Variants in PRPF6 observed in about 807,000 individuals in gnomAD.
PRPF6 encodes the protein pre-mRNA processing factor 6, also known as pre-mRNA-processing factor 6.
In PRPF6, 42 loss-of-function variants were observed where a neutral mutation model predicts 118.3. That is an observed-to-expected ratio of 0.35 (90% CI 0.28 to 0.46). The LOEUF is 0.46. PRPF6 is among the 20% of genes least tolerant of loss of function. The pLI is 1.00. For missense variants in PRPF6, 662 were observed against 1,255.7 expected (o/e 0.53, Z 7.15); for synonymous variants, 481 against 485.1 (o/e 0.99, Z 0.11).
chr20:64,004,597 A>T (rs1309073210), intron 9 of PRPF6, among the ~76,000 whole-genome samples: 1 of 152,018 alleles, frequency 6.6e-6, no homozygotes, highest in Non-Finnish European at 1.5e-5. Flanking sequence ...TTGTTGGGAG[A>T]ATGGGCGTTT....
chr20:63,983,494 G>A (rs1204935600), intron 2 of PRPF6, among the ~76,000 whole-genome samples: 4 of 145,058 alleles, frequency 2.8e-5, no homozygotes, highest in East Asian at 2.0e-4. Context: ...ACGGAATTTC[G>A]CTCTTGTCGG....
Position 64,011,409 on chromosome 20 carries a change from A to G in PRPF6, c.1430A>G (p.Asn477Ser), listed in dbSNP as rs1433048453. The G allele has an allele frequency of 9.9e-6, 16 of 1,614,130 alleles. No individual in the cohort carries two copies. The highest frequency in any genetic ancestry group is 6.7e-5 in the East Asian group (3 of 44,902). ...WITAAKLEEANGNTQMVEKII... is the reference protein window; with the variant it reads ...WITAAKLEEASGNTQMVEKII... ...ACGGCTGCTAAGCTGGAGGAAGCCAATGGGAACACGCAGATGGTGGAGAAG... is the reference window on the plus strand; with the variant it reads ...ACGGCTGCTAAGCTGGAGGAAGCCAGTGGGAACACGCAGATGGTGGAGAAG... The change falls in exon 11 of 21, where the codon AAT becomes AGT. Residue 477 changes from asparagine to serine, a missense_variant. Asn to Ser is a conservative substitution (Grantham distance 46). Coordinates refer to ENST00000266079, the MANE Select transcript of PRPF6 (RefSeq NM_012469.4). This position sits in a 1 kb window ranked among gnomAD's most constrained non-coding sequence, Gnocchi z 6.7.
chr20:64,002,019 T>TTG (rs1309452145), intron 9 of PRPF6, among the ~76,000 whole-genome samples: 59 of 121,306 alleles, frequency 4.9e-4, no homozygotes, highest in African/African-American at 1.7e-3. Flanking sequence ...TTCTGGTTTT[T>TTG]TTTTTTTTTT....
chr20:64,021,543 CGTGTCTGTGTGTGT>C (rs946114813), intron 12 of PRPF6, among the ~76,000 whole-genome samples: 21 of 140,514 alleles, frequency 1.5e-4, no homozygotes, highest in Non-Finnish European at 3.0e-4. Context: ...GCCACAGCCC[CGTGTCTGTGTGTGT>C]GTGTCTGTGT....
rs1176900434 is a variant in PRPF6 at position 63,985,113 on chromosome 20, T to C, written c.359+88T>C. 8 of 1,071,514 alleles carry C rather than the reference T, an allele frequency of 7.5e-6. No homozygotes were observed. The African/African-American group carries it at 7.8e-5, about 10-fold the overall frequency. The allele number at this position is 1,071,514 out of a possible 1,614,324, so 66.4% of individuals were successfully genotyped here. On this transcript the variant is annotated intron_variant, in intron 3 of 20. Transcript: ENST00000266079. Reference sequence around the variant, plus strand: ...GCGCAGTGGCTCACGTGTGTAATCCTAGCACTTTGAGAGGCTGAGGTAGGA... The same window carrying C: ...GCGCAGTGGCTCACGTGTGTAATCCCAGCACTTTGAGAGGCTGAGGTAGGA...
intron 12 of PRPF6, among the ~76,000 whole-genome samples, chr20:64,017,585 G>A (rs1217550602): frequency 2.1e-5 from 3 of 145,784 alleles, no homozygotes; most frequent in Non-Finnish European, 3.0e-5. Flanking sequence ...GTGAGCTGCC[G>A]CGCCCGGCCT....
intron 12 of PRPF6, among the ~76,000 whole-genome samples, chr20:64,021,517 G>A (rs1281465675): frequency 1.3e-5 from 2 of 149,460 alleles, no homozygotes; most frequent in South Asian, 2.1e-4. Flanking sequence ...GTGTGTGCAT[G>A]TATGCATATG....
At chr20:64,000,212 G>T (rs2123022948) in intron 8 of PRPF6, among the ~76,000 whole-genome samples, 1 of 152,284 alleles carries the variant, frequency 6.6e-6, no homozygotes, top group African/African-American at 2.4e-5. Flanking sequence ...ATGGTGGCCA[G>T]TCACGGTGGC....
At chr20:64,018,706 T>C (rs538667621) in intron 12 of PRPF6, among the ~76,000 whole-genome samples, 38 of 152,258 alleles carry the variant, frequency 2.5e-4, no homozygotes, top group African/African-American at 8.9e-4. Context: ...CCTCAAGTGA[T>C]CCCACCTCAG....
At chr20:64,021,548 CTG>C (rs1224009927) in intron 12 of PRPF6, among the ~76,000 whole-genome samples, 5 of 140,960 alleles carry the variant, frequency 3.5e-5, no homozygotes, top group African/African-American at 1.3e-4. Context: ...AGCCCCGTGT[CTG>C]TGTGTGTGTG....
rs758857210 is a variant in PRPF6 at position 64,032,846 on chromosome 20, G to A, written c.2679G>A (p.Gln893=). The change falls in exon 21 of 21, where the codon CAG becomes CAA. Residue 893 remains glutamine (Q), a synonymous_variant. Coordinates refer to ENST00000266079, the MANE Select transcript of PRPF6 (RefSeq NM_012469.4). ...GTGCCCTGTGGTCCCCCCAGGAGCA[G>A]CAGGAGGAGGTGAGGAAGCGCTGTG... The part of the protein sequence containing the change: ...KFELQHGTEE[Q]QEEVRKRCES... 1.9e-6 allele frequency: 3 copies of A among 1,608,672 alleles called. No individual in the cohort carries two copies. In the Admixed American group the frequency reaches 5.0e-5, roughly 27 times the overall value.
intron 12 of PRPF6, among the ~76,000 whole-genome samples, chr20:64,017,210 TG>T: frequency 6.6e-6 from 1 of 151,628 alleles, no homozygotes; most frequent in South Asian, 2.1e-4. Context: ...CCCAAAGTGC[TG>T]GGATCACAGG....
chr20:63,999,170 A>C, intron 7 of PRPF6, 31 bp downstream of exon 7: 1 of 1,583,710 alleles, frequency 6.3e-7, no homozygotes, highest in Non-Finnish European at 8.7e-7. Context: ...CTGGGCTGGG[A>C]TGGAGACTCT....
rs771921120 is a variant in PRPF6 at position 63,994,897 on chromosome 20, G to C, written c.439-19G>C. The C allele has an allele frequency of 1.2e-5, 20 of 1,614,112 alleles. No homozygotes were observed. Among genetic ancestry groups the C allele is most frequent in the Non-Finnish European group, 1.7e-5 (20 of 1,180,016 alleles). ...ATTCTGTCAGAGAATTAATGTTTTTGGGGGCTGGATATTTCCAGAGGAAGT... is the reference window on the plus strand; with the variant it reads ...ATTCTGTCAGAGAATTAATGTTTTTCGGGGCTGGATATTTCCAGAGGAAGT... On this transcript the variant is annotated intron_variant, in intron 4 of 20. Transcript: ENST00000266079.
chr20:64,009,452 G>A lies in PRPF6; in HGVS notation c.1187-748G>A, dbSNP rs577865368. Among the ~76,000 whole-genome samples, 20 of 152,232 alleles carry A rather than the reference G, an allele frequency of 1.3e-4. No individual in the cohort carries two copies. The South Asian group carries it at 2.7e-3, about 21-fold the overall frequency. ...ATAGAGCATTTCCAGGGTGGGCACC[G>A]TGGCTGACGCCCATAATCCCAGCAC... On this transcript the variant is annotated intron_variant, in intron 9 of 20. Coordinates refer to ENST00000266079, the MANE Select transcript of PRPF6 (RefSeq NM_012469.4).
chr20:63,984,436 A>G (rs575376448), intron 2 of PRPF6, among the ~76,000 whole-genome samples: 35 of 152,108 alleles, frequency 2.3e-4, no homozygotes, highest in African/African-American at 8.2e-4. Context: ...AAAAAAAAAA[A>G]TTAGTTTTGA....
At chr20:64,000,968 T>G in intron 8 of PRPF6, 109 bp from the exon 9 acceptor site, 2 of 1,258,896 alleles carry the variant, frequency 1.6e-6, no homozygotes, top group South Asian at 2.4e-5. Flanking sequence ...GCTAATTGGC[T>G]TTCGTAAATT....
At chr20:64,015,814 A>T (rs1336609344) in intron 11 of PRPF6, among the ~76,000 whole-genome samples, 1 of 152,140 alleles carries the variant, frequency 6.6e-6, no homozygotes, top group African/African-American at 2.4e-5. Context: ...TACTTAGAAT[A>T]GTTTAATTAG....
At chr20:64,020,606 A>T (rs1034902006) in intron 12 of PRPF6, among the ~76,000 whole-genome samples, 33 of 152,042 alleles carry the variant, frequency 2.2e-4, no homozygotes, top group African/African-American at 2.4e-5. Flanking sequence ...TTTGTTGTTG[A>T]TGCTAACCAA....
Sources: gnomAD v4.1 joint callset for allele counts (sites outside exome capture counted in the v4.1 genomes callset) on GRCh38, gnomAD v4.1.1 for gene constraint, Gnocchi (gnomAD v3.1) non-coding constraint, MANE v1.5 for transcripts, NCBI Gene and HGNC (gene_info 2026-07-23, HGNC 2026-07-21) for gene names.